ZBTB38: variants seen among roughly 807,000 people sequenced by gnomAD.
ZBTB38 encodes zinc finger and BTB domain-containing protein 38.
Under a neutral mutation model 76.8 loss-of-function variants are expected in ZBTB38, and 20 were observed. The ratio of observed to expected loss-of-function variants is 0.26; its 90% CI spans 0.18 to 0.38. The LOEUF (loss-of-function observed/expected upper bound fraction) is 0.38. Among genes scored for constraint, ZBTB38 ranks in the 10% least tolerant of loss-of-function variants. The pLI is 1.00. For synonymous variants in ZBTB38, 504 were observed against 544.2 expected (o/e 0.93, Z 1.03); for missense variants, 1,082 against 1,482.3 (o/e 0.73, Z 4.43).
intron 1 of ZBTB38, among the ~76,000 whole-genome samples, chr3:141,340,945 A>AAGAAAAGAAAAGAAAGAAG (rs1491533380): frequency 3.9e-5 from 3 of 76,032 alleles, no homozygotes; most frequent in African/African-American, 2.1e-4. Flanking sequence ...AAGAAAAGAA[A>AAGAAAAGAAAAGAAAGAAG]GAAGGAAAGA....
intron 1 of ZBTB38, among the ~76,000 whole-genome samples, chr3:141,332,607 A>C (rs1486855145): frequency 2.0e-5 from 3 of 152,086 alleles, no homozygotes; most frequent in African/African-American, 7.2e-5. Context: ...GTGCTCCATG[A>C]TATTTGCTGT....
chr3:141,371,045 C>CT (rs754872291), intron 2 of ZBTB38, among the ~76,000 whole-genome samples: 1,207 of 71,932 alleles, frequency 0.017, 161 homozygotes, highest in African/African-American at 0.036. Flanking sequence ...TTCTTTCTTT[C>CT]TTTTTTTTTT....
In ZBTB38 at chr3:141,449,718, C is replaced by T. The variant is rs998188836; in HGVS notation, c.*3742C>T. 4 of 152,160 alleles carry T rather than the reference C, an allele frequency of 2.6e-5. No homozygotes were observed. The highest frequency in any genetic ancestry group is 5.9e-5 in the Non-Finnish European group (4 of 68,028). The allele number at this position is 152,160 out of a possible 1,614,324, so 9.4% of individuals were successfully genotyped here. On this transcript the variant is annotated 3_prime_UTR_variant, in exon 6 of 6. Transcript: ENST00000321464. Reference sequence around the variant, plus strand: ...AACTGTTATCTGCTAAAACTAACTTCATTATGTACAAGAACAACAGATTTA... The same window carrying T: ...AACTGTTATCTGCTAAAACTAACTTTATTATGTACAAGAACAACAGATTTA...
At chr3:141,367,704 G>T (rs567024316), upstream of ZBTB38, 1 of 152,280 alleles carries the variant, frequency 6.6e-6, no homozygotes, top group East Asian at 1.9e-4. Flanking sequence ...TTTCTCTATA[G>T]CATTAGGAAT....
chr3:141,345,874 C>A (rs997152062), intron 1 of ZBTB38, among the ~76,000 whole-genome samples: 8 of 152,238 alleles, frequency 5.3e-5, no homozygotes, highest in Non-Finnish European at 1.2e-4. Flanking sequence ...ACTGAAGACA[C>A]CCCCATGGAT....
At chr3:141,402,278 C>T (rs919637142) in intron 4 of ZBTB38, 1 of 151,946 alleles carries the variant, frequency 6.6e-6, no homozygotes, top group Admixed American at 6.5e-5. Context: ...CCGACCTCCT[C>T]CCGGACGGGC....
chr3:141,431,339 A>T (rs188300974), intron 5 of ZBTB38, among the ~76,000 whole-genome samples: 5,078 of 102,218 alleles, frequency 0.05, 483 homozygotes, highest in African/African-American at 0.23. Context: ...AAAAAAAAAA[A>T]AAATATATAT....
intron 1 of ZBTB38, among the ~76,000 whole-genome samples, chr3:141,360,344 G>A (rs771553570): frequency 4.6e-5 from 7 of 152,122 alleles, no homozygotes; most frequent in East Asian, 1.9e-4. Context: ...TTGTTTCGGC[G>A]TGTGCCTGGA....
intron 5 of ZBTB38, among the ~76,000 whole-genome samples, chr3:141,422,660 G>T (rs913037054): frequency 6.6e-6 from 1 of 152,064 alleles, no homozygotes; most frequent in Non-Finnish European, 1.5e-5. Flanking sequence ...CCACTCAAGG[G>T]GTAGAAGCTC....
intron 1 of ZBTB38, among the ~76,000 whole-genome samples, chr3:141,333,746 G>A (rs151016726): frequency 6.6e-6 from 1 of 152,212 alleles, no homozygotes; most frequent in African/African-American, 2.4e-5. Flanking sequence ...CAATTTGTTG[G>A]GTTTTGGAGC....
rs75100421 is a variant in ZBTB38 at position 141,390,775 on chromosome 3, C to T, written c.-106+3838C>T. On this transcript the variant is annotated intron_variant, in intron 4 of 5. Transcript: ENST00000321464. ...TACATGCCAGGCATATTCCAGAGGA[C>T]GGGAGGGTGCTTGCAGGGAGGGGAA... Among the ~76,000 whole-genome samples the T allele has an allele frequency of 7.5e-3, 1,146 of 152,152 alleles. 12 individuals carry two copies. Among genetic ancestry groups the T allele is most frequent in the Non-Finnish European group, 0.012 (840 of 67,996 alleles).
chr3:141,391,744 A>C (rs1311941982), intron 4 of ZBTB38, among the ~76,000 whole-genome samples: 1 of 152,206 alleles, frequency 6.6e-6, no homozygotes, highest in African/African-American at 2.4e-5. Flanking sequence ...ATAGTCATTG[A>C]ATTTTTTTCA....
chr3:141,423,973 T>C (rs2075920148), intron 5 of ZBTB38, among the ~76,000 whole-genome samples: 1 of 152,228 alleles, frequency 6.6e-6, no homozygotes, highest in Non-Finnish European at 1.5e-5. Context: ...TGAGGCCCAG[T>C]GCAGGAGAGG....
chr3:141,364,487 G>A (rs866844117), upstream of ZBTB38, among the ~76,000 whole-genome samples: 7 of 151,752 alleles, frequency 4.6e-5, no homozygotes, highest in Non-Finnish European at 7.4e-5. Flanking sequence ...AGACCAGCCT[G>A]ACCAACATAG....
chr3:141,437,348 C>T (rs979969454), intron 5 of ZBTB38, among the ~76,000 whole-genome samples: 2 of 152,176 alleles, frequency 1.3e-5, no homozygotes, highest in African/African-American at 2.4e-5. Context: ...CCTTCTGCCT[C>T]CCTTACTCTC....
intron 5 of ZBTB38, among the ~76,000 whole-genome samples, chr3:141,409,874 C>G (rs1031118447): frequency 6.6e-6 from 1 of 152,190 alleles, no homozygotes; most frequent in Admixed American, 6.5e-5. Flanking sequence ...GTTGATTACC[C>G]TCTGAGGCCC....
At chr3:141,334,714 T>TA (rs2148890146) in intron 1 of ZBTB38, among the ~76,000 whole-genome samples, 1 of 152,108 alleles carries the variant, frequency 6.6e-6, no homozygotes, top group Non-Finnish European at 1.5e-5. Flanking sequence ...CGGCACCACA[T>TA]ATCCTAGCCC....
intron 2 of ZBTB38, among the ~76,000 whole-genome samples, chr3:141,373,358 G>A (rs1944909261): frequency 1.3e-5 from 2 of 152,174 alleles, no homozygotes; most frequent in African/African-American, 4.8e-5. Flanking sequence ...CTAAAGATCT[G>A]AGCCTGGCCT....
In ZBTB38 at chr3:141,444,024, T is replaced by C. The variant is rs746182366; in HGVS notation, c.1636T>C (p.Ser546Pro). ...TTTCCATGCCATCGATCATAGACTT[T>C]CCATCAGTAAAAAAACAGCAAATGG... ...KSFHAIDHRL[S>P]ISKKTANGGL... Residue 546 changes from serine to proline, a missense_variant, in exon 6 of 6, where the codon TCC becomes CCC. This residue lies in a region of ZBTB38 where 60 missense variants were observed against 126.0 expected (regional missense o/e 0.48). Transcript: ENST00000321464. The surrounding 1 kb of genome is among the most constrained non-coding windows in gnomAD (Gnocchi z 5.1). 13 of 1,614,138 alleles carry C rather than the reference T, an allele frequency of 8.1e-6. No homozygotes were observed. In the South Asian group the frequency reaches 8.8e-5, roughly 11 times the overall value.
Sources: gnomAD v4.1 joint callset for allele counts (sites outside exome capture counted in the v4.1 genomes callset) on GRCh38, gnomAD v4.1.1 for gene constraint, gnomAD v4.1.1 regional missense constraint, Gnocchi (gnomAD v3.1) non-coding constraint, MANE v1.5 for transcripts, NCBI Gene and HGNC (gene_info 2026-07-23, HGNC 2026-07-21) for gene names.